Variants in ADAMTS5 observed in about 807,000 individuals in gnomAD.
ADAMTS5 encodes the protein A disintegrin and metalloproteinase with thrombospondin motifs 5.
ADAMTS5 carries 54 observed loss-of-function variants against 81.4 expected under a neutral mutation model. The ratio of observed to expected loss-of-function variants is 0.66; its 90% CI spans 0.53 to 0.83. The LOEUF (loss-of-function observed/expected upper bound fraction) is 0.83. Ranked by LOEUF, ADAMTS5 falls within the 40% of genes least tolerant of loss-of-function variation. The pLI, the probability that ADAMTS5 is intolerant of heterozygous loss-of-function variation, is 0.00. For missense variants in ADAMTS5, 1,194 were observed against 1,229.9 expected (o/e 0.97, Z 0.44); for synonymous variants, 532 against 508.8 (o/e 1.05, Z -0.61).
At chr21:26,926,730 C>T (rs1986812891) in intron 7 of ADAMTS5, among the ~76,000 whole-genome samples, 1 of 151,462 alleles carries the variant, frequency 6.6e-6, no homozygotes, top group Non-Finnish European at 1.5e-5. Context: ...TCACTATATC[C>T]CCAGGCATAA....
At chr21:26,943,325 T>G in intron 3 of ADAMTS5, 55 bp downstream of exon 3, 1 of 1,514,148 alleles carries the variant, frequency 6.6e-7, no homozygotes, top group Non-Finnish European at 9.0e-7. Flanking sequence ...GAAGTCAAAC[T>G]CCTAAGAATC....
Position 26,965,758 on chromosome 21 carries a change from G to C in ADAMTS5, c.634C>G (p.Pro212Ala). The change falls in exon 1 of 8, where the codon CCC (proline) becomes GCC (alanine). Residue 212 changes from proline (P) to alanine (A), a missense_variant. By Grantham distance (27) the Pro-to-Ala change is conservative. This residue lies in a region of ADAMTS5 where 498 missense variants were observed against 412.3 expected (regional missense o/e 1.21). Coordinates refer to ENST00000284987, the MANE Select transcript of ADAMTS5 (RefSeq NM_007038.5). ...ALPPRASCET[P>A]ASTPEAHEHA... ...TCGTGGGCCTCCGGTGTGGACGCGGGGGTTTCGCAGCTGGCGCGCGGCGGC... is the reference window on the plus strand; with the variant it reads ...TCGTGGGCCTCCGGTGTGGACGCGGCGGTTTCGCAGCTGGCGCGCGGCGGC... 1.9e-6 allele frequency: 3 copies of C among 1,599,806 alleles called. No homozygotes were observed. The highest frequency in any genetic ancestry group is 2.6e-6 in the Non-Finnish European group (3 of 1,173,922).
intron 6 of ADAMTS5, among the ~76,000 whole-genome samples, chr21:26,930,780 T>A (rs1986893199): frequency 6.6e-6 from 1 of 152,118 alleles, no homozygotes; most frequent in Non-Finnish European, 1.5e-5. Flanking sequence ...AATTTTATAT[T>A]TATGTATATA....
At position 26,922,814 on chromosome 21, in the gene ADAMTS5, A is replaced by T. The variant is rs1986726016; in HGVS notation, c.*1239T>A. The T allele has an allele frequency of 6.6e-6, 1 of 152,574 alleles. No homozygotes were observed. 9.5% of individuals were successfully genotyped at this position (152,574 alleles called of 1,614,324 possible). On this transcript the variant is annotated 3_prime_UTR_variant, in exon 8 of 8. Transcript: ENST00000284987. ...CAATAGGAATATACTTAGATTTTTT[A>T]AATTAAGAAATTATTGCCTATGGTG...
intron 1 of ADAMTS5, among the ~76,000 whole-genome samples, chr21:26,962,862 T>A (rs1358517274): frequency 1.3e-5 from 2 of 151,722 alleles, no homozygotes; most frequent in Non-Finnish European, 2.9e-5. Context: ...TCCTCCAGAC[T>A]TCTTTTTTTT....
At chr21:26,938,360 AT>A (rs1396391080) in intron 3 of ADAMTS5, among the ~76,000 whole-genome samples, 1 of 152,178 alleles carries the variant, frequency 6.6e-6, no homozygotes, top group Non-Finnish European at 1.5e-5. Context: ...AAAAAGTAAA[AT>A]GTTGTGATTT....
At position 26,932,192 on chromosome 21, in the gene ADAMTS5, C is replaced by T. The variant is rs375762538; in HGVS notation, c.1874-13G>A. On this transcript the variant is annotated splice_polypyrimidine_tract_variant and intron_variant, in intron 5 of 7. Coordinates refer to ENST00000284987, the MANE Select transcript of ADAMTS5 (RefSeq NM_007038.5). ...CGAAATGATTTACCTAGAAAACAAA[C>T]ATGTTTCAGTATTACCTTATCAGTT... 97 of 1,610,384 alleles carry T rather than the reference C, an allele frequency of 6.0e-5. No individual in the cohort carries two copies. The highest frequency in any genetic ancestry group is 7.7e-5 in the Non-Finnish European group (91 of 1,177,928).
intron 2 of ADAMTS5, among the ~76,000 whole-genome samples, chr21:26,947,600 GT>G (rs1295897563): frequency 6.6e-6 from 1 of 151,862 alleles, no homozygotes; most frequent in African/African-American, 2.4e-5. Flanking sequence ...TTCCTGGCTA[GT>G]TTTTTGTATT....
At chr21:26,960,050 T>C (rs185831308) in intron 1 of ADAMTS5, among the ~76,000 whole-genome samples, 11 of 152,332 alleles carry the variant, frequency 7.2e-5, no homozygotes, top group Admixed American at 2.6e-4. Flanking sequence ...CTGTCCACTA[T>C]TTTGTGCATA....
intron 2 of ADAMTS5, among the ~76,000 whole-genome samples, chr21:26,948,691 A>G (rs1987262138): frequency 6.6e-6 from 1 of 152,242 alleles, no homozygotes; most frequent in African/African-American, 2.4e-5. Context: ...TAAATGTGGT[A>G]TCAATTATGT....
At chr21:26,929,323 C>T (rs1368011220) in intron 7 of ADAMTS5, among the ~76,000 whole-genome samples, 1 of 152,098 alleles carries the variant, frequency 6.6e-6, no homozygotes, top group Non-Finnish European at 1.5e-5. Flanking sequence ...ACTTCATAAA[C>T]TTGAATATTT....
intron 2 of ADAMTS5, among the ~76,000 whole-genome samples, chr21:26,953,622 C>A (rs1987363040): frequency 6.6e-6 from 1 of 152,044 alleles, no homozygotes; most frequent in African/African-American, 2.4e-5. Context: ...ATAATTTTAA[C>A]CTTAAAAATC....
intron 2 of ADAMTS5, among the ~76,000 whole-genome samples, chr21:26,953,205 A>G (rs1225592309): frequency 1.3e-5 from 2 of 152,218 alleles, no homozygotes; most frequent in South Asian, 2.1e-4. Flanking sequence ...GACTCAAAGT[A>G]TCTAAATCAC....
At chr21:26,949,697 A>G (rs1987282922) in intron 2 of ADAMTS5, among the ~76,000 whole-genome samples, 1 of 152,190 alleles carries the variant, frequency 6.6e-6, no homozygotes, top group Admixed American at 6.5e-5. Flanking sequence ...TAGACACAAA[A>G]TCTCTCAATA....
intron 2 of ADAMTS5, among the ~76,000 whole-genome samples, chr21:26,945,894 C>A (rs1987205788): frequency 6.6e-6 from 1 of 152,174 alleles, no homozygotes; most frequent in African/African-American, 2.4e-5. Flanking sequence ...GGGGATGTGA[C>A]TTTTGTAAGA....
rs1987640907 is a variant in ADAMTS5 at position 26,965,810 on chromosome 21, G to C, written c.582C>G (p.Thr194=). The change falls in exon 1 of 8, where the codon ACC becomes ACG. Residue 194 remains threonine, a synonymous_variant. Coordinates refer to ENST00000284987, the MANE Select transcript of ADAMTS5 (RefSeq NM_007038.5). ...DGSARILHVY[T]REGFSFEALP... ...GGGCCTCGAAGCTGAAGCCCTCGCG[G>C]GTGTAGACGTGCAGGATCCGTGCGG... 1 of 1,608,652 alleles carries C rather than the reference G, an allele frequency of 6.2e-7. No homozygotes were observed. Among genetic ancestry groups the C allele is most frequent in the East Asian group, 2.2e-5 (1 of 44,596 alleles).
At chr21:26,961,074 C>T (rs142938981) in intron 1 of ADAMTS5, among the ~76,000 whole-genome samples, 21 of 152,278 alleles carry the variant, frequency 1.4e-4, no homozygotes, top group East Asian at 3.9e-4. Flanking sequence ...TCCTTGCCTA[C>T]GAGGAGCATA....
chr21:26,954,836 T>C lies in ADAMTS5; in HGVS notation c.1140A>G (p.Gly380=). The C allele has an allele frequency of 2.5e-6, 4 of 1,614,070 alleles. No homozygotes were observed. Among genetic ancestry groups the C allele is most frequent in the Non-Finnish European group, 3.4e-6 (4 of 1,179,980 alleles). ...AACATATGGTCCCAACGTCTGCCAT[T>C]CCCAGGGTGTCACATGAATGATGCC... ...LCGHHSCDTL[G]MADVGTICSP... The change falls in exon 2 of 8, where the codon GGA becomes GGG. Residue 380 remains glycine, a synonymous_variant. Coordinates refer to ENST00000284987, the MANE Select transcript of ADAMTS5 (RefSeq NM_007038.5).
chr21:26,956,464 C>T (rs138543946), intron 1 of ADAMTS5, among the ~76,000 whole-genome samples: 1 of 152,272 alleles, frequency 6.6e-6, no homozygotes, highest in African/African-American at 2.4e-5. Flanking sequence ...CAAATTACAG[C>T]TGTTGAGTAC....
Sources: allele counts gnomAD v4.1 joint callset (sites outside exome capture counted in the v4.1 genomes callset), GRCh38; gene constraint gnomAD v4.1.1; regional missense constraint gnomAD v4.1.1; transcripts MANE v1.5; gene names NCBI Gene and HGNC (gene_info 2026-07-23, HGNC 2026-07-21).